Variants in FOXP1 observed in about 807,000 individuals in gnomAD.
The protein encoded by FOXP1 is forkhead box protein P1.
A neutral mutation model predicts 98.2 loss-of-function variants in FOXP1; 15 were observed. The observed-to-expected ratio is 0.15, with a 90% confidence interval of 0.10 to 0.24. The LOEUF is 0.24. FOXP1 is among the 10% of genes least tolerant of loss of function. FOXP1 has a pLI of 1.00. For synonymous variants in FOXP1, 371 were observed against 314.5 expected (o/e 1.18, Z -1.90); for missense variants, 633 against 848.5 (o/e 0.75, Z 3.15).
intron 17 of FOXP1, among the ~76,000 whole-genome samples, chr3:70,974,303 T>C (rs1409599886): frequency 1.3e-5 from 2 of 152,188 alleles, no homozygotes; most frequent in African/African-American, 2.4e-5. Context: ...AGCAGTTTTT[T>C]TTTTTCTTTT....
At chr3:71,290,625 A>G (rs559246930) in intron 5 of FOXP1, among the ~76,000 whole-genome samples, 1 of 152,280 alleles carries the variant, frequency 6.6e-6, no homozygotes, top group Admixed American at 6.5e-5. Context: ...TGGCTCCCCA[A>G]TAAGAATATA....
chr3:71,118,633 C>T (rs2058546521), intron 6 of FOXP1, among the ~76,000 whole-genome samples: 1 of 152,140 alleles, frequency 6.6e-6, no homozygotes. Flanking sequence ...TTTCTAGTCA[C>T]GGGTCAGCAA....
At chr3:71,177,706 G>A (rs977457497) in intron 6 of FOXP1, among the ~76,000 whole-genome samples, 4 of 152,148 alleles carry the variant, frequency 2.6e-5, no homozygotes, top group Non-Finnish European at 5.9e-5. Flanking sequence ...AGAAGGAACT[G>A]TACTAACACA....
intron 6 of FOXP1, among the ~76,000 whole-genome samples, chr3:71,175,009 T>G (rs1209996489): frequency 6.7e-6 from 1 of 149,400 alleles, no homozygotes; most frequent in Non-Finnish European, 1.5e-5. Flanking sequence ...CGCCCCCGGG[T>G]TCAAGCCATT....
At chr3:71,237,231 GAAAAAAAAAAAAAAAAA>G (rs757405755) in intron 5 of FOXP1, among the ~76,000 whole-genome samples, 4 of 28,270 alleles carry the variant, frequency 1.4e-4, no homozygotes, top group African/African-American at 3.0e-4. Flanking sequence ...GACTCCATCT[GAAAAAAAAAAAAAAAAA>G]AAAAAAAAAA....
At chr3:71,073,314 A>C (rs1400411725) in intron 7 of FOXP1, among the ~76,000 whole-genome samples, 1 of 151,886 alleles carries the variant, frequency 6.6e-6, no homozygotes, top group African/African-American at 2.4e-5. Context: ...CTTCCCTCTA[A>C]CTTTGTTCTC....
intron 4 of FOXP1, among the ~76,000 whole-genome samples, chr3:71,312,958 T>A (rs1461291379): frequency 1.3e-5 from 2 of 151,786 alleles, no homozygotes; most frequent in African/African-American, 4.8e-5. Context: ...GCCACTGCAC[T>A]CCAGCCTGGG....
chr3:71,396,876 A>G (rs1387359748), intron 3 of FOXP1, among the ~76,000 whole-genome samples: 2 of 140,184 alleles, frequency 1.4e-5, no homozygotes, highest in African/African-American at 5.5e-5. Context: ...TCATCTCCGT[A>G]TAAGGTTCAA....
chr3:71,489,368 T>G (rs1405948820), intron 3 of FOXP1, among the ~76,000 whole-genome samples: 1 of 152,134 alleles, frequency 6.6e-6, no homozygotes, highest in Non-Finnish European at 1.5e-5. Flanking sequence ...CGCTTATGTC[T>G]TTTCACCAGA....
intron 3 of FOXP1, among the ~76,000 whole-genome samples, chr3:71,410,099 C>T (rs985295758): frequency 6.6e-6 from 1 of 152,174 alleles, no homozygotes; most frequent in Non-Finnish European, 1.5e-5. Flanking sequence ...TGTCAGCTCC[C>T]TCACCTGTAA....
In FOXP1 at chr3:71,198,472, A is replaced by AG. The variant is rs2063451216; in HGVS notation, c.-11-81dup. On this transcript the variant is annotated intron_variant, in intron 5 of 20. Transcript: ENST00000649528. The stretch of plus-strand genomic sequence containing the variant: ...GCTGTTAAAGCAGTTGTTGTGCATA[A>AG]GGAGAAGGGCCTTGGTTTAAATGTT... The AG allele has an allele frequency of 2.4e-6, 3 of 1,246,594 alleles. No individual in the cohort carries two copies. The Admixed American group carries it at 5.1e-5, about 21-fold the overall frequency. 77.2% of individuals were successfully genotyped at this position (1,246,594 alleles called of 1,614,324 possible). A position where few individuals can be genotyped will look rare whatever the true frequency, so the allele number is the denominator to read the frequency against.
At chr3:71,260,492 A>G (rs1203443345) in intron 5 of FOXP1, among the ~76,000 whole-genome samples, 2 of 152,058 alleles carry the variant, frequency 1.3e-5, no homozygotes, top group African/African-American at 4.8e-5. Flanking sequence ...GCATGCAATA[A>G]GTAATTTAAT....
chr3:71,343,454 T>C (rs2077130103), intron 4 of FOXP1, among the ~76,000 whole-genome samples: 1 of 152,120 alleles, frequency 6.6e-6, no homozygotes, highest in Non-Finnish European at 1.5e-5. Flanking sequence ...AAGAATAATC[T>C]TACACTTTAA....
intron 11 of FOXP1, among the ~76,000 whole-genome samples, chr3:71,029,278 CA>C (rs1298109746): frequency 2.6e-4 from 39 of 152,258 alleles, no homozygotes; most frequent in African/African-American, 8.4e-4. Context: ...GGGGATGTGG[CA>C]ATGGACAAGA....
intron 2 of FOXP1, among the ~76,000 whole-genome samples, chr3:71,501,647 T>C (rs146731959): frequency 7.0e-4 from 106 of 152,296 alleles, no homozygotes; most frequent in African/African-American, 2.4e-3. Flanking sequence ...AAATGTTCAT[T>C]GCATGGGTAC....
intron 9 of FOXP1, among the ~76,000 whole-genome samples, chr3:71,049,266 A>C (rs191936730): frequency 2.6e-5 from 4 of 152,254 alleles, no homozygotes; most frequent in Admixed American, 2.0e-4. Context: ...AAACTGTCAT[A>C]ACTGCCCGGG....
chr3:70,972,439 T>G, intron 18 of FOXP1, 116 bp downstream of exon 18: 2 of 1,460,836 alleles, frequency 1.4e-6, no homozygotes, highest in Non-Finnish European at 1.9e-6. Flanking sequence ...TTCCCTTAAC[T>G]GAGACAACGT....
intron 5 of FOXP1, among the ~76,000 whole-genome samples, chr3:71,257,975 G>A (rs907302026): frequency 6.6e-6 from 1 of 152,082 alleles, no homozygotes; most frequent in African/African-American, 2.4e-5. Flanking sequence ...AAAATACCTC[G>A]CAGTCCTGAT....
intron 14 of FOXP1, among the ~76,000 whole-genome samples, chr3:70,980,884 GCTTCT>G (rs1458883895): frequency 6.6e-6 from 1 of 152,258 alleles, no homozygotes. Context: ...ATACTTCTCG[GCTTCT>G]CTTTTCAGTT....
Sources: allele counts gnomAD v4.1 joint callset (sites outside exome capture counted in the v4.1 genomes callset), GRCh38; gene constraint gnomAD v4.1.1; transcripts MANE v1.5; gene names NCBI Gene and HGNC (gene_info 2026-07-23, HGNC 2026-07-21).